The following MAF variants were observed in gnomAD, a reference collection of about 807,000 sequenced individuals.
MAF encodes the protein transcription factor Maf.
Under a neutral mutation model 22.0 loss-of-function variants are expected in MAF, and 10 were observed. That is an observed-to-expected ratio of 0.45 (90% CI 0.28 to 0.77). The LOEUF is 0.77. Ranked by LOEUF, MAF falls within the 30% of genes least tolerant of loss-of-function variation. The pLI is 0.12. For synonymous variants in MAF, 337 were observed against 255.8 expected (o/e 1.32, Z -3.03); for missense variants, 544 against 548.4 (o/e 0.99, Z 0.08).
At chr16:79,258,400 G>A in the MAF span, among the ~76,000 whole-genome samples, 51 of 152,318 alleles carry the variant, frequency 3.3e-4, no homozygotes, top group Middle Eastern at 0.01. Context: ...TCTCTAAGCG[G>A]ACATGGGCTG....
Position 79,594,535 on chromosome 16 carries a change from C to T in MAF, c.1137G>A (p.Lys379=). The change falls in exon 2 of 2, where the codon AAG becomes AAA. Residue 379 remains lysine (K), a synonymous_variant. Transcript: ENST00000326043. ...TGGCGTATCCCACTGATGGCTCCAA[C>T]TTGCGAGTGGGCTCAGTTCTGTAAT... ...PEFFITEPTR[K]LEPSVGYATF... is the part of the protein sequence containing the mutation. 1.3e-6 allele frequency: 2 copies of T among 1,563,736 alleles called. No individual in the cohort carries two copies. The highest frequency in any genetic ancestry group is 1.7e-6 in the Non-Finnish European group (2 of 1,151,578).
At chr16:79,303,526 C>T in the MAF span, among the ~76,000 whole-genome samples, 1 of 152,318 alleles carries the variant, frequency 6.6e-6, no homozygotes, top group East Asian at 1.9e-4. Context: ...TTGTCTCACA[C>T]TTCTGTTTCT....
rs555750532 is a variant in MAF, at chr16:79,598,763, T to C, written c.1118+22A>G. 9.3e-6 allele frequency: 15 copies of C among 1,613,400 alleles called. 1 individual carries two copies. The South Asian group carries it at 1.4e-4, about 15-fold the overall frequency. ...CGGAGCACTTATCAGGGTGGCTAGC[T>C]GGAATCGCGTGTCAGACTCACATGA... On this transcript the variant is annotated intron_variant, in intron 1 of 1. Transcript: ENST00000326043.
At chr16:79,467,205 A>G in the MAF span, among the ~76,000 whole-genome samples, 1 of 151,884 alleles carries the variant, frequency 6.6e-6, no homozygotes, top group South Asian at 2.1e-4. Flanking sequence ...CCCTCCTTCA[A>G]ATTCCAGCTC....
the MAF span, among the ~76,000 whole-genome samples, chr16:79,461,743 G>A: frequency 1.3e-5 from 2 of 152,292 alleles, no homozygotes; most frequent in African/African-American, 2.4e-5. Flanking sequence ...GAGACCACAT[G>A]TGCCCATGTG....
the MAF span, among the ~76,000 whole-genome samples, chr16:79,518,888 G>A: frequency 6.6e-6 from 1 of 152,114 alleles, no homozygotes; most frequent in African/African-American, 2.4e-5. Context: ...TCATGCCACT[G>A]CAGTCCAGTC....
At chr16:79,507,351 T>C in the MAF span, among the ~76,000 whole-genome samples, 1 of 151,712 alleles carries the variant, frequency 6.6e-6, no homozygotes, top group Middle Eastern at 3.4e-3. Context: ...CTCCTGACAT[T>C]GTGATCCGCC....
chr16:79,209,891 CA>C, the MAF span, among the ~76,000 whole-genome samples: 1 of 152,294 alleles, frequency 6.6e-6, no homozygotes, highest in Admixed American at 6.5e-5. Flanking sequence ...ATTTGGATGA[CA>C]TGAACTCATT....
chr16:79,537,410 T>A, the MAF span, among the ~76,000 whole-genome samples: 1 of 151,630 alleles, frequency 6.6e-6, no homozygotes. Context: ...TTCACAAGAA[T>A]TCCAAAAGGG....
At chr16:79,382,351 G>T in the MAF span, among the ~76,000 whole-genome samples, 1 of 152,148 alleles carries the variant, frequency 6.6e-6, no homozygotes, top group Non-Finnish European at 1.5e-5. Flanking sequence ...ATATGCATAG[G>T]TTTTATATCA....
At chr16:79,249,897 G>A in the MAF span, among the ~76,000 whole-genome samples, 1 of 152,014 alleles carries the variant, frequency 6.6e-6, no homozygotes, top group East Asian at 1.9e-4. Context: ...CTCACTGCAC[G>A]TAGCCCAGTG....
chr16:79,580,407 C>T, the MAF span, among the ~76,000 whole-genome samples: 2 of 152,182 alleles, frequency 1.3e-5, no homozygotes, highest in South Asian at 2.1e-4. Flanking sequence ...ATGCCTAGGA[C>T]ACATCAATGA....
chr16:79,515,219 C>A, the MAF span, among the ~76,000 whole-genome samples: 1 of 152,224 alleles, frequency 6.6e-6, no homozygotes, highest in African/African-American at 2.4e-5. Context: ...GACTTCAACG[C>A]TGCTGACCCT....
At chr16:79,521,832 C>G in the MAF span, among the ~76,000 whole-genome samples, 1 of 152,074 alleles carries the variant, frequency 6.6e-6, no homozygotes, top group African/African-American at 2.4e-5. Flanking sequence ...ACTAAGCACT[C>G]TAATAAATAT....
chr16:79,577,963 C>T, the MAF span, among the ~76,000 whole-genome samples: 1 of 152,120 alleles, frequency 6.6e-6, no homozygotes, highest in Non-Finnish European at 1.5e-5. Context: ...GTTCAATACC[C>T]TTGACATTGG....
At chr16:79,594,979 T>C (rs1913428118) in intron 1 of MAF, 2 of 1,084,508 alleles carry the variant, frequency 1.8e-6, no homozygotes, top group Non-Finnish European at 2.2e-6. Context: ...TCATTTGTCA[T>C]GAGATAACTG....
At chr16:79,237,412 C>T in the MAF span, among the ~76,000 whole-genome samples, 1,323 of 152,176 alleles carry the variant, frequency 8.7e-3, 27 homozygotes, top group African/African-American at 0.03. Flanking sequence ...TAATTCCACT[C>T]GGTAAATCTC....
At chr16:79,518,591 T>C in the MAF span, among the ~76,000 whole-genome samples, 2 of 152,248 alleles carry the variant, frequency 1.3e-5, no homozygotes, top group Non-Finnish European at 2.9e-5. Flanking sequence ...CTTGGCCCCT[T>C]GGTGCCTCAG....
the MAF span, among the ~76,000 whole-genome samples, chr16:79,367,608 T>C: frequency 6.6e-6 from 1 of 152,196 alleles, no homozygotes; most frequent in Non-Finnish European, 1.5e-5. Flanking sequence ...GATGGAAATG[T>C]TTTTTATTGT....
Sources: gnomAD v4.1 joint callset for allele counts (sites outside exome capture counted in the v4.1 genomes callset) on GRCh38, gnomAD v4.1.1 for gene constraint, MANE v1.5 for transcripts, NCBI Gene and HGNC (gene_info 2026-07-23, HGNC 2026-07-21) for gene names.